TRDN: variants seen among roughly 807,000 people sequenced by gnomAD.
TRDN encodes the protein triadin in skeletal muscle.
TRDN carries 161 observed loss-of-function variants against 149.7 expected under a neutral mutation model. The ratio of observed to expected loss-of-function variants is 1.08; its 90% CI spans 0.95 to 1.23. TRDN has a LOEUF of 1.23. Among genes scored for constraint, TRDN ranks in the 50% most tolerant of loss-of-function variants. TRDN has a pLI of 0.00. For missense variants in TRDN, 896 were observed against 823.5 expected (o/e 1.09, Z -1.08); for synonymous variants, 294 against 250.5 (o/e 1.17, Z -1.64).
At chr6:123,385,704 T>A (rs1206073912) in intron 14 of TRDN, among the ~76,000 whole-genome samples, 1 of 152,178 alleles carries the variant, frequency 6.6e-6, no homozygotes, top group African/African-American at 2.4e-5. Context: ...AAAAAATAAA[T>A]CTCATATGGC....
chr6:123,536,956 A>T (rs1214764727), intron 4 of TRDN, among the ~76,000 whole-genome samples: 3 of 151,884 alleles, frequency 2.0e-5, no homozygotes, highest in East Asian at 1.9e-4. Context: ...TATTTCAGAA[A>T]TTTTTTCATG....
Position 123,548,491 on chromosome 6 carries a change from A to C in TRDN, c.354T>G (p.Asp118Glu). The change falls in exon 3 of 41, where the codon GAT becomes GAG. Residue 118 changes from aspartate (D) to glutamate (E), a missense_variant. Coordinates refer to ENST00000334268, the MANE Select transcript of TRDN (RefSeq NM_006073.4). ...CTTCGTCACCATCATCATCTTCTTC[A>C]TCTTCAGATGAGATGATGTCAGATA... ...SLLSDIISSE[D>E]EEDDDGDEDT... 1 of 1,575,204 alleles carries C rather than the reference A, an allele frequency of 6.3e-7. No individual in the cohort carries two copies. Among genetic ancestry groups the C allele is most frequent in the Non-Finnish European group, 8.6e-7 (1 of 1,160,714 alleles).
chr6:123,363,443 GC>G (rs1780972273), intron 20 of TRDN, among the ~76,000 whole-genome samples: 1 of 152,186 alleles, frequency 6.6e-6, no homozygotes, highest in Non-Finnish European at 1.5e-5. Context: ...TTTCAAAACA[GC>G]TATGGTTGCT....
intron 24 of TRDN, among the ~76,000 whole-genome samples, chr6:123,290,704 T>A (rs1777979752): frequency 6.6e-6 from 1 of 152,226 alleles, no homozygotes; most frequent in Admixed American, 6.5e-5. Context: ...AGTTCAGGAT[T>A]TCTTCCTTTC....
chr6:123,317,515 A>G (rs1779070617), intron 23 of TRDN, among the ~76,000 whole-genome samples: 1 of 151,984 alleles, frequency 6.6e-6, no homozygotes, highest in Non-Finnish European at 1.5e-5. Flanking sequence ...ACTACTTCCG[A>G]TAATACTTGA....
chr6:123,237,997 G>C (rs1203139060), intron 38 of TRDN, among the ~76,000 whole-genome samples: 1 of 152,120 alleles, frequency 6.6e-6, no homozygotes, highest in Non-Finnish European at 1.5e-5. Context: ...TACATTAAAA[G>C]ATGCTTAAAA....
At chr6:123,506,897 A>C (rs180850918) in intron 7 of TRDN, among the ~76,000 whole-genome samples, 42 of 152,302 alleles carry the variant, frequency 2.8e-4, no homozygotes, top group African/African-American at 8.9e-4. Flanking sequence ...ATCTTGAAAT[A>C]TAGATAGTTT....
rs113353132 is a variant in TRDN at position 123,517,519 on chromosome 6, T to C, written c.485-1313A>G. 3.8e-3 allele frequency among the ~76,000 whole-genome samples: 576 copies of C among 152,268 alleles called. 3 individuals are homozygous for C. Among genetic ancestry groups the C allele is most frequent in the African/African-American group, 0.013 (546 of 41,560 alleles). On this transcript the variant is annotated intron_variant, in intron 5 of 40. Coordinates refer to ENST00000334268, the MANE Select transcript of TRDN (RefSeq NM_006073.4). ...GGTATCTGTCACATAGTGGGTGCTA[T>C]ATCAAAATAAAAATATTTTACTGCT... is the stretch of plus-strand genomic sequence containing the variant.
chr6:123,271,303 C>T, intron 29 of TRDN, 117 bp from the exon 30 acceptor site: 1 of 587,438 alleles, frequency 1.7e-6, no homozygotes, highest in Admixed American at 3.6e-5. Flanking sequence ...AACTTGTTGC[C>T]TCAATAAAAC....
intron 9 of TRDN, among the ~76,000 whole-genome samples, chr6:123,491,110 A>C (rs1383956093): frequency 6.6e-6 from 1 of 151,922 alleles, no homozygotes; most frequent in Non-Finnish European, 1.5e-5. Context: ...ATCTCAAAAA[A>C]AAAAAATAAA....
intron 23 of TRDN, among the ~76,000 whole-genome samples, chr6:123,316,965 G>A (rs919267910): frequency 1.3e-4 from 19 of 151,608 alleles, no homozygotes; most frequent in African/African-American, 3.9e-4. Flanking sequence ...TAGTATTTCC[G>A]TTAGTATCAA....
rs758990789 is a variant in TRDN at position 123,375,657 on chromosome 6, T to A, written c.1247-26A>T. 9 of 1,503,626 alleles carry A rather than the reference T, an allele frequency of 6.0e-6. No homozygotes were observed. In the African/African-American group the frequency reaches 1.3e-4, roughly 21 times the overall value. 93.1% of individuals were successfully genotyped at this position (1,503,626 alleles called of 1,614,324 possible). ...CTGTTAATGACAAGAAATAATAAGG[T>A]CAACAGTAATTACAAATCTGCTTAT... On this transcript the variant is annotated intron_variant, in intron 18 of 40. Coordinates refer to ENST00000334268, the MANE Select transcript of TRDN (RefSeq NM_006073.4).
intron 23 of TRDN, among the ~76,000 whole-genome samples, chr6:123,322,658 T>TTA (rs1474718504): frequency 2.3e-5 from 3 of 130,436 alleles, no homozygotes; most frequent in South Asian, 2.6e-4. Context: ...TATTATTATT[T>TTA]TTGAGACGGA....
intron 12 of TRDN, among the ~76,000 whole-genome samples, chr6:123,430,626 A>T (rs187472546): frequency 6.6e-6 from 1 of 152,160 alleles, no homozygotes; most frequent in Admixed American, 6.5e-5. Flanking sequence ...ACACCTCTCA[A>T]GTTCAGAGGT....
chr6:123,246,329 C>A (rs75937903), intron 38 of TRDN, among the ~76,000 whole-genome samples: 6,907 of 151,360 alleles, frequency 0.046, 464 homozygotes, highest in African/African-American at 0.16. Context: ...GCAAAATAGA[C>A]CACTAGCCAG....
chr6:123,531,629 A>G (rs1211963273), intron 4 of TRDN, among the ~76,000 whole-genome samples: 1 of 151,948 alleles, frequency 6.6e-6, no homozygotes, highest in Non-Finnish European at 1.5e-5. Context: ...CTCTTATCTC[A>G]ACTGTGACTT....
intron 1 of TRDN, among the ~76,000 whole-genome samples, chr6:123,587,705 G>T (rs561132428): frequency 2.6e-5 from 4 of 151,880 alleles, no homozygotes; most frequent in Non-Finnish European, 4.4e-5. Context: ...CAAAAAGAGA[G>T]TCAGTGAAGG....
chr6:123,572,989 G>A (rs762581199), intron 1 of TRDN, among the ~76,000 whole-genome samples: 10 of 151,996 alleles, frequency 6.6e-5, no homozygotes, highest in Non-Finnish European at 1.3e-4. Context: ...AAAGATTTTA[G>A]CCTTTGTGCT....
intron 1 of TRDN, among the ~76,000 whole-genome samples, chr6:123,583,521 T>C (rs1783245426): frequency 6.6e-6 from 1 of 150,846 alleles, no homozygotes; most frequent in Admixed American, 6.6e-5. Context: ...TAGTCTGTTC[T>C]ACTTTTCCTG....
Sources: allele counts gnomAD v4.1 joint callset (sites outside exome capture counted in the v4.1 genomes callset), GRCh38; gene constraint gnomAD v4.1.1; transcripts MANE v1.5; gene names NCBI Gene and HGNC (gene_info 2026-07-23, HGNC 2026-07-21).